IMMP2L: variants seen among roughly 807,000 people sequenced by gnomAD.
IMMP2L encodes the protein inner mitochondrial membrane peptidase subunit 2, also known as mitochondrial inner membrane protease subunit 2.
IMMP2L carries 18 observed loss-of-function variants against 19.3 expected under a neutral mutation model. The observed-to-expected ratio is 0.93, with a 90% CI of 0.64 to 1.38. The LOEUF (loss-of-function observed/expected upper bound fraction) is 1.38. Among genes scored for constraint, IMMP2L ranks in the 40% most tolerant of loss-of-function variants. IMMP2L has a pLI of 0.00. For synonymous variants in IMMP2L, 76 were observed against 73.0 expected, an observed-to-expected ratio of 1.04 and a Z score of -0.21; for missense variants, 233 against 218.2, an observed-to-expected ratio of 1.07 and a Z score of -0.43.
chr7:111,499,576 T>C (rs931711915), intron 2 of IMMP2L, among the ~76,000 whole-genome samples: 1 of 151,864 alleles, frequency 6.6e-6, no homozygotes, highest in Non-Finnish European at 1.5e-5. Context: ...ACCAAACATA[T>C]AATGGAAAGA....
rs547611724 is a variant in IMMP2L at position 110,705,399 on chromosome 7, T to C, written c.409-41678A>G. ...CTTTCCTTATTTACTATGAAACATA[T>C]CTGCTTGCTGTGAACTGATTTGTCC... On this transcript the variant is annotated intron_variant, in intron 5 of 5. Coordinates refer to ENST00000405709, the MANE Select transcript of IMMP2L (RefSeq NM_032549.4). 5.3e-4 allele frequency among the ~76,000 whole-genome samples: 81 copies of C among 152,024 alleles called. 2 individuals are homozygous for C. The highest frequency in any genetic ancestry group is 3.8e-4 in the Non-Finnish European group (26 of 68,024).
At chr7:111,015,804 T>C (rs959818379) in intron 3 of IMMP2L, among the ~76,000 whole-genome samples, 4 of 152,092 alleles carry the variant, frequency 2.6e-5, no homozygotes, top group African/African-American at 9.7e-5. Context: ...CTGAATTGAA[T>C]GATTTAAAAA....
rs1449921175 is a variant in IMMP2L at position 111,213,618 on chromosome 7, A to G, written c.240-250053T>C. ...CACTTCCTCCCCTCTGAGGCCCACA[A>G]GAACCCCAGACTCACCCAGACTCAA... On this transcript the variant is annotated intron_variant, in intron 3 of 5. Coordinates refer to ENST00000405709, the MANE Select transcript of IMMP2L (RefSeq NM_032549.4). The surrounding 1 kb of genome is among the most constrained non-coding windows in gnomAD (Gnocchi z 4.8). 6.6e-6 allele frequency among the ~76,000 whole-genome samples: 1 copy of G among 152,162 alleles called. No individual in the cohort carries two copies. The highest frequency in any genetic ancestry group is 2.4e-5 in the African/African-American group (1 of 41,432).
intron 3 of IMMP2L, among the ~76,000 whole-genome samples, chr7:111,296,449 G>T (rs1363012792): frequency 6.6e-6 from 1 of 151,658 alleles, no homozygotes; most frequent in African/African-American, 2.4e-5. Flanking sequence ...TAGATAATTA[G>T]GAAATCGAAA....
At chr7:111,119,438 T>C (rs577802557) in intron 3 of IMMP2L, among the ~76,000 whole-genome samples, 74 of 152,304 alleles carry the variant, frequency 4.9e-4, no homozygotes, top group Non-Finnish European at 8.4e-4. Flanking sequence ...AATTGGCATG[T>C]AGAAAGTGCT....
chr7:111,159,817 T>A (rs572006406), intron 3 of IMMP2L, among the ~76,000 whole-genome samples: 1 of 152,306 alleles, frequency 6.6e-6, no homozygotes, highest in Admixed American at 6.5e-5. Flanking sequence ...ATACCTCAAA[T>A]ATTATTACTT....
Position 110,886,018 on chromosome 7 carries a change from G to T in IMMP2L, c.408+575C>A, listed in dbSNP as rs561910355. Among the ~76,000 whole-genome samples the T allele has an allele frequency of 2.4e-3, 371 of 151,882 alleles. 2 individuals carry two copies. The highest frequency in any genetic ancestry group is 4.4e-3 in the Non-Finnish European group (297 of 67,866). ...GTATGTACGTTTTTCCACCTATTGG[G>T]TCTTCATTTCTTTATGAGGGCTCCT... On this transcript the variant is annotated intron_variant, in intron 5 of 5. Coordinates refer to ENST00000405709, the MANE Select transcript of IMMP2L (RefSeq NM_032549.4).
intron 5 of IMMP2L, among the ~76,000 whole-genome samples, chr7:110,768,802 T>C (rs937400098): frequency 6.6e-6 from 1 of 152,152 alleles, no homozygotes; most frequent in African/African-American, 2.4e-5. Flanking sequence ...CTTTCCTATC[T>C]CTCCCACTGG....
At chr7:110,854,705 A>T (rs1041946060) in intron 5 of IMMP2L, among the ~76,000 whole-genome samples, 1 of 152,000 alleles carries the variant, frequency 6.6e-6, no homozygotes, top group Non-Finnish European at 1.5e-5. Flanking sequence ...AAATACATAC[A>T]AAGAGGTTTT....
rs1423990654 is a variant in IMMP2L at position 111,049,757 on chromosome 7, T to C, written c.240-86192A>G. 3.3e-5 allele frequency among the ~76,000 whole-genome samples: 5 copies of C among 152,330 alleles called. No homozygotes were observed. In the South Asian group the frequency reaches 8.3e-4, roughly 25 times the overall value. On this transcript the variant is annotated intron_variant, in intron 3 of 5. Transcript: ENST00000405709. ...AAAGCAAAGGCAAAATGCAAGACCA[T>C]TTTTGCAGGATTTGCAAAGGACGCA... is the stretch of plus-strand genomic sequence containing the variant.
At position 111,067,452 on chromosome 7, in the gene IMMP2L, T is replaced by C. The variant is rs1794608411; in HGVS notation, c.240-103887A>G. Among the ~76,000 whole-genome samples, 7 of 152,318 alleles carry C rather than the reference T, an allele frequency of 4.6e-5. No homozygotes were observed. In the South Asian group the frequency reaches 1.4e-3, roughly 32 times the overall value. On this transcript the variant is annotated intron_variant, in intron 3 of 5. Transcript: ENST00000405709. Reference sequence around the variant, plus strand: ...CTAGAGGCAGACGGGAGGGAGAACCTAGCATTTACGAATGTGCTTCTCCCC... The same window carrying C: ...CTAGAGGCAGACGGGAGGGAGAACCCAGCATTTACGAATGTGCTTCTCCCC...
intron 3 of IMMP2L, among the ~76,000 whole-genome samples, chr7:111,180,535 C>T (rs185018884): frequency 1.3e-5 from 2 of 151,986 alleles, no homozygotes; most frequent in East Asian, 3.9e-4. Context: ...ACATATGTAA[C>T]AAAAAGGAAA....
chr7:111,366,626 G>C (rs912418492), intron 3 of IMMP2L, among the ~76,000 whole-genome samples: 2 of 151,878 alleles, frequency 1.3e-5, no homozygotes, highest in Non-Finnish European at 2.9e-5. Context: ...ACTGACACTG[G>C]ATATTATACT....
At chr7:110,777,326 C>A (rs961834029) in intron 5 of IMMP2L, among the ~76,000 whole-genome samples, 1 of 151,926 alleles carries the variant, frequency 6.6e-6, no homozygotes, top group Non-Finnish European at 1.5e-5. Context: ...CTATGACAAC[C>A]CCACGAGCCA....
intron 5 of IMMP2L, among the ~76,000 whole-genome samples, chr7:110,855,497 T>C (rs930773989): frequency 1.3e-5 from 2 of 151,996 alleles, no homozygotes; most frequent in African/African-American, 4.8e-5. Flanking sequence ...GTAAGACTGA[T>C]ATGCAGGATG....
intron 3 of IMMP2L, among the ~76,000 whole-genome samples, chr7:111,468,611 A>C (rs1840909793): frequency 6.6e-6 from 1 of 152,146 alleles, no homozygotes; most frequent in Non-Finnish European, 1.5e-5. Context: ...TGGAATCAGC[A>C]GAAGTTCTAA....
intron 3 of IMMP2L, among the ~76,000 whole-genome samples, chr7:111,445,181 G>GA (rs1045635586): frequency 1.7e-4 from 26 of 151,236 alleles, no homozygotes; most frequent in Non-Finnish European, 2.5e-4. Flanking sequence ...GATTTATAGG[G>GA]AAAAAAAAGT....
At chr7:110,973,516 A>G (rs1016563297) in intron 3 of IMMP2L, among the ~76,000 whole-genome samples, 4 of 152,148 alleles carry the variant, frequency 2.6e-5, no homozygotes, top group African/African-American at 9.6e-5. Context: ...GTTTTTCATA[A>G]AAACAGTGAG....
intron 5 of IMMP2L, among the ~76,000 whole-genome samples, chr7:110,863,044 T>C (rs1807614395): frequency 6.6e-6 from 1 of 152,090 alleles, no homozygotes; most frequent in Non-Finnish European, 1.5e-5. Context: ...GCTACTGCTG[T>C]TGCTATGAGT....
Sources: allele counts gnomAD v4.1 joint callset (sites outside exome capture counted in the v4.1 genomes callset), GRCh38; gene constraint gnomAD v4.1.1; non-coding constraint Gnocchi (gnomAD v3.1); transcripts MANE v1.5; gene names NCBI Gene and HGNC (gene_info 2026-07-23, HGNC 2026-07-21).